ARHGAP20: variants seen among roughly 807,000 people sequenced by gnomAD.
ARHGAP20 encodes the protein rho GTPase-activating protein 20.
A neutral mutation model predicts 73.7 loss-of-function variants in ARHGAP20; 34 were observed. That is an observed-to-expected ratio of 0.46 (90% CI 0.35 to 0.61). The LOEUF is 0.61. ARHGAP20 is among the 20% of genes least tolerant of loss of function. ARHGAP20 has a pLI of 0.00. For missense variants in ARHGAP20, 1,314 were observed against 1,420.9 expected, an observed-to-expected ratio of 0.92 and a Z score of 1.21; for synonymous variants, 523 against 518.2, an observed-to-expected ratio of 1.01 and a Z score of -0.13.
chr11:110,620,509 G>A (rs918596529), intron 4 of ARHGAP20, among the ~76,000 whole-genome samples: 1 of 152,018 alleles, frequency 6.6e-6, no homozygotes, highest in African/African-American at 2.4e-5. Flanking sequence ...TCTTTAACCT[G>A]CTACCTGATG....
rs750142963 is a variant in ARHGAP20, at chr11:110,580,934, C to T, written c.2012G>A (p.Arg671Gln). ...NILVYTKIPL[R>Q]DHARAPSAMC... ...GGCAGATGGGGCCCTGGCATGATCCCGCAGTGGGATCTTTGTGTACACTAA... is the reference window on the plus strand; with the variant it reads ...GGCAGATGGGGCCCTGGCATGATCCTGCAGTGGGATCTTTGTGTACACTAA... Residue 671 changes from arginine (R) to glutamine (Q), a missense_variant, in exon 15 of 15, where the codon CGG (arginine) becomes CAG (glutamine). By Grantham distance (43) the Arg-to-Gln change is conservative. Transcript: ENST00000683387. 10 of 1,613,946 alleles carry T rather than the reference C, an allele frequency of 6.2e-6. No homozygotes were observed. Among genetic ancestry groups the T allele is most frequent in the African/African-American group, 4.0e-5 (3 of 74,914 alleles).
intron 1 of ARHGAP20, among the ~76,000 whole-genome samples, chr11:110,703,005 A>T (rs890416050): frequency 1.3e-5 from 2 of 152,132 alleles, no homozygotes; most frequent in African/African-American, 4.8e-5. Context: ...GCTACCAATG[A>T]CTTTCTTCAC....
chr11:110,658,370 G>A (rs371473996), intron 2 of ARHGAP20, among the ~76,000 whole-genome samples: 1 of 152,110 alleles, frequency 6.6e-6, no homozygotes, highest in Non-Finnish European at 1.5e-5. Context: ...AGGGTCACAT[G>A]CTTTAGGAAA....
intron 1 of ARHGAP20, chr11:110,691,006 G>T: frequency 6.6e-7 from 1 of 1,525,802 alleles, no homozygotes; most frequent in South Asian, 1.2e-5. Context: ...CATCCGGGTA[G>T]ATACTACTAT....
At chr11:110,668,918 T>C (rs1410761738) in intron 2 of ARHGAP20, among the ~76,000 whole-genome samples, 5 of 152,108 alleles carry the variant, frequency 3.3e-5, no homozygotes, top group African/African-American at 1.2e-4. Flanking sequence ...TGAATAGCCA[T>C]GCACAATAAA....
At chr11:110,599,593 G>T (rs537056004) in intron 9 of ARHGAP20, among the ~76,000 whole-genome samples, 11 of 152,302 alleles carry the variant, frequency 7.2e-5, no homozygotes, top group African/African-American at 2.4e-4. Flanking sequence ...CCTGAAAGCT[G>T]GGGGCCAGGC....
intron 1 of ARHGAP20, 23 bp downstream of exon 1, chr11:110,712,104 G>A (rs771459246): frequency 1.0e-5 from 13 of 1,292,600 alleles, no homozygotes; most frequent in African/African-American, 3.1e-5. Flanking sequence ...CGGAGGGCAC[G>A]GGCCCCCGCT....
intron 1 of ARHGAP20, chr11:110,711,865 A>C: frequency 7.6e-7 from 1 of 1,316,080 alleles, no homozygotes; most frequent in Non-Finnish European, 9.6e-7. Context: ...GCGGATGGAG[A>C]CGGGAGGGAG....
At chr11:110,659,557 T>G (rs1949552080) in intron 2 of ARHGAP20, among the ~76,000 whole-genome samples, 1 of 150,388 alleles carries the variant, frequency 6.6e-6, no homozygotes, top group Non-Finnish European at 1.5e-5. Flanking sequence ...AGAAGCTCTT[T>G]AGTTTAATTA....
chr11:110,577,955 G>C lies in ARHGAP20; in HGVS notation c.*1415C>G, dbSNP rs1309980565. 1.0e-6 allele frequency: 1 copy of C among 985,484 alleles called. No individual in the cohort carries two copies. Among genetic ancestry groups the C allele is most frequent in the African/African-American group, 1.7e-5 (1 of 57,240 alleles). The allele number at this position is 985,484 out of a possible 1,614,324, so 61.0% of individuals were successfully genotyped here. On this transcript the variant is annotated 3_prime_UTR_variant, in exon 15 of 15. Coordinates refer to ENST00000683387, the MANE Select transcript of ARHGAP20 (RefSeq NM_001384657.1). ...ATTTGGAATAAGCTAGCTTGTGAGA[G>C]AAAGGTCCATCTGATGGTGAACTAA... is the stretch of plus-strand genomic sequence containing the variant.
At chr11:110,659,552 C>A (rs1408700982) in intron 2 of ARHGAP20, among the ~76,000 whole-genome samples, 29 of 151,742 alleles carry the variant, frequency 1.9e-4, no homozygotes, top group Non-Finnish European at 4.3e-4. Context: ...TGTGCAGAAG[C>A]TCTTTAGTTT....
chr11:110,658,108 G>A (rs887014672), intron 2 of ARHGAP20, among the ~76,000 whole-genome samples: 4 of 152,126 alleles, frequency 2.6e-5, no homozygotes, highest in African/African-American at 4.8e-5. Context: ...AGTTGAGTAA[G>A]CCTTTTAAAC....
chr11:110,687,057 GACACACAC>G (rs761078220), intron 2 of ARHGAP20, among the ~76,000 whole-genome samples: 7 of 117,638 alleles, frequency 6.0e-5, no homozygotes, highest in Non-Finnish European at 1.0e-4. Context: ...TATATATATA[GACACACAC>G]ACACACACAC....
chr11:110,689,090 C>T (rs989631562), intron 2 of ARHGAP20, among the ~76,000 whole-genome samples: 1 of 151,484 alleles, frequency 6.6e-6, no homozygotes, highest in Non-Finnish European at 1.5e-5. Flanking sequence ...GCTCCGCCTC[C>T]CCGGTTCACG....
intron 2 of ARHGAP20, among the ~76,000 whole-genome samples, chr11:110,640,572 A>G (rs189415598): frequency 1.1e-4 from 16 of 152,184 alleles, no homozygotes; most frequent in Non-Finnish European, 1.5e-4. Flanking sequence ...AATTAAAAGT[A>G]TATTATATGG....
At chr11:110,700,978 C>T (rs573183778) in intron 1 of ARHGAP20, among the ~76,000 whole-genome samples, 1 of 151,028 alleles carries the variant, frequency 6.6e-6, no homozygotes, top group Non-Finnish European at 1.5e-5. Context: ...TTTTCTTAAT[C>T]CAGTCTATCA....
intron 1 of ARHGAP20, among the ~76,000 whole-genome samples, chr11:110,692,141 T>A (rs1191247495): frequency 6.6e-6 from 1 of 152,070 alleles, no homozygotes; most frequent in Non-Finnish European, 1.5e-5. Context: ...TACTCACACC[T>A]CTTAGGAACA....
At chr11:110,651,810 C>T (rs960546792) in intron 2 of ARHGAP20, among the ~76,000 whole-genome samples, 5 of 151,798 alleles carry the variant, frequency 3.3e-5, no homozygotes, top group African/African-American at 9.7e-5. Flanking sequence ...ACCAGAGGTA[C>T]AAAGAGAAGC....
At chr11:110,597,869 T>TA (rs1948010323) in intron 9 of ARHGAP20, among the ~76,000 whole-genome samples, 1 of 152,214 alleles carries the variant, frequency 6.6e-6, no homozygotes. Flanking sequence ...TTTACTTTCT[T>TA]ACAGAGCTTT....
Sources: gnomAD v4.1 joint callset for allele counts (sites outside exome capture counted in the v4.1 genomes callset) on GRCh38, gnomAD v4.1.1 for gene constraint, MANE v1.5 for transcripts, NCBI Gene and HGNC (gene_info 2026-07-23, HGNC 2026-07-21) for gene names.